Variants in ZNF207 observed in about 807,000 individuals in gnomAD.
ZNF207 encodes BUB3-interacting and GLEBS motif-containing protein ZNF207.
Under a neutral mutation model 60.2 loss-of-function variants are expected in ZNF207, and 24 were observed. That is an observed-to-expected ratio of 0.40 (90% CI 0.29 to 0.56). The LOEUF (loss-of-function observed/expected upper bound fraction) is 0.56, where lower values mean the gene tolerates loss of function less well. Among genes scored for constraint, ZNF207 ranks in the 20% least tolerant of loss-of-function variants. The pLI, the probability that ZNF207 is intolerant of heterozygous loss-of-function variation, is 0.49. For missense variants in ZNF207, 452 were observed against 636.6 expected, an observed-to-expected ratio of 0.71 and a Z score of 3.12; for synonymous variants, 236 against 194.7, an observed-to-expected ratio of 1.21 and a Z score of -1.77.
At chr17:32,365,530 A>G (rs745458613) in intron 8 of ZNF207, 43 bp downstream of exon 8, 3 of 1,598,432 alleles carry the variant, frequency 1.9e-6, no homozygotes, top group African/African-American at 1.3e-5. Flanking sequence ...ATATTTAAAG[A>G]TAAAGTACAG....
chr17:32,358,834 T>C (rs1904696067), intron 3 of ZNF207, among the ~76,000 whole-genome samples, 193 bp downstream of exon 3: 1 of 152,078 alleles, frequency 6.6e-6, no homozygotes, highest in African/African-American at 2.4e-5. Context: ...CTTGCTCTGT[T>C]GCCAGGCTGG....
chr17:32,350,379 G>T (rs1003352264), intron 1 of ZNF207, 53 bp downstream of exon 1: 2 of 1,611,372 alleles, frequency 1.2e-6, no homozygotes, highest in African/African-American at 2.7e-5. Flanking sequence ...GGTTGTTGGG[G>T]CCTGGGACTA....
rs1267048543 is a variant in ZNF207, at chr17:32,371,159, A to G, written c.*1400A>G. The stretch of plus-strand genomic sequence containing the variant: ...TGATCTTTTGCAGGGTAGTTTTATG[A>G]TTTTTTAGGCATCAAATAACCTATG... On this transcript the variant is annotated 3_prime_UTR_variant, in exon 12 of 12. Coordinates refer to ENST00000394670, the MANE Select transcript of ZNF207 (RefSeq NM_001098507.2). The G allele has an allele frequency of 6.6e-6, 1 of 152,052 alleles. No individual in the cohort carries two copies. The highest frequency in any genetic ancestry group is 1.9e-4 in the East Asian group (1 of 5,194). 9.4% of individuals were successfully genotyped at this position (152,052 alleles called of 1,614,324 possible). A position where few individuals can be genotyped will look rare whatever the true frequency, so the allele number is the denominator to read the frequency against.
At chr17:32,366,832 G>A (rs1905184191) in intron 9 of ZNF207, 75 bp downstream of exon 9, 1 of 1,322,810 alleles carries the variant, frequency 7.6e-7, no homozygotes, top group Non-Finnish European at 1.0e-6. Context: ...CTTAAAAAAT[G>A]AATATTTTTC....
chr17:32,377,051 T>TA lies in ZNF207; in HGVS notation c.*7292_*7293insA, dbSNP rs1361603157. The TA allele has an allele frequency of 6.6e-6, 1 of 152,074 alleles. No individual in the cohort carries two copies. The highest frequency in any genetic ancestry group is 1.9e-4 in the East Asian group (1 of 5,202). The allele number at this position is 152,074 out of a possible 1,614,324, so 9.4% of individuals were successfully genotyped here. A position where few individuals can be genotyped will look rare whatever the true frequency, so the allele number is the denominator to read the frequency against. ...AAGTCTGAGGAACTAACAGTGAAAT[T>TA]CATTGATGGCCAACTTGGATAAAAA... On this transcript the variant is annotated 3_prime_UTR_variant, in exon 12 of 12. Coordinates refer to ENST00000394670, the MANE Select transcript of ZNF207 (RefSeq NM_001098507.2).
At chr17:32,368,945 T>C (rs2109158) in intron 10 of ZNF207, 99,007 of 165,714 alleles carry the variant, frequency 0.6, 30,872 homozygotes, top group African/African-American at 0.71. Context: ...GCGGAGGTTG[T>C]GGTGAGCTGA....
rs1905565898 is a variant in ZNF207 at position 32,373,842 on chromosome 17, T to C, written c.*4083T>C. The C allele has an allele frequency of 6.4e-6, 1 of 156,862 alleles. No homozygotes were observed. The highest frequency in any genetic ancestry group is 6.5e-5 in the Admixed American group (1 of 15,424). 9.7% of individuals were successfully genotyped at this position (156,862 alleles called of 1,614,324 possible). A position where few individuals can be genotyped will look rare whatever the true frequency, so the allele number is the denominator to read the frequency against. On this transcript the variant is annotated 3_prime_UTR_variant, in exon 12 of 12. Coordinates refer to ENST00000394670, the MANE Select transcript of ZNF207 (RefSeq NM_001098507.2). Reference sequence around the variant, plus strand: ...TGGTTTTATTTTCTCCATAAACTATTAAATTTAACCTCAAGGATAAGTTTA... The same window carrying C: ...TGGTTTTATTTTCTCCATAAACTATCAAATTTAACCTCAAGGATAAGTTTA...
chr17:32,369,013 AAG>A (rs1905337660), intron 10 of ZNF207: 1 of 296,024 alleles, frequency 3.4e-6, no homozygotes, highest in Admixed American at 4.7e-5. Context: ...CAAAAAAAAA[AAG>A]AATGTTAATA....
At chr17:32,350,804 TAAAG>T (rs942072600) in intron 1 of ZNF207, 3 of 152,664 alleles carry the variant, frequency 2.0e-5, no homozygotes, top group African/African-American at 7.3e-5. Flanking sequence ...GGCGGTTTAG[TAAAG>T]AACCAAGTTA....
At position 32,369,289 on chromosome 17, in the gene ZNF207, T is replaced by A; in HGVS notation, c.1165-6T>A. On this transcript the variant is annotated splice_region_variant and splice_polypyrimidine_tract_variant and intron_variant, in intron 10 of 11. Transcript: ENST00000394670. ...TATTTAGCCCTGCGCTTATTTTTAT[T>A]CCCAGGAAGAGAGAAGGGCACAGTT... 6.2e-7 allele frequency: 1 copy of A among 1,613,290 alleles called. No homozygotes were observed.
intron 9 of ZNF207, among the ~76,000 whole-genome samples, chr17:32,367,259 A>ATATATATATATATATATG (rs1905226206): frequency 9.1e-6 from 1 of 109,904 alleles, no homozygotes; most frequent in Non-Finnish European, 1.9e-5. Flanking sequence ...ATATATATAT[A>ATATATATATATATATATG]TATATATATA....
At chr17:32,365,299 C>T in intron 7 of ZNF207, 31 bp from the exon 8 acceptor site, 2 of 1,586,956 alleles carry the variant, frequency 1.3e-6, no homozygotes, top group Admixed American at 1.8e-5. Context: ...TTTTCAGTGA[C>T]TCAATTTCCC....
Position 32,381,342 on chromosome 17 carries a change from AATC to A in ZNF207, c.*11586_*11588del, listed in dbSNP as rs1195268357. The A allele has an allele frequency of 3.9e-5, 6 of 152,358 alleles. No homozygotes were observed. Among genetic ancestry groups the A allele is most frequent in the African/African-American group, 1.4e-4 (6 of 41,584 alleles). The allele number at this position is 152,358 out of a possible 1,614,324, so 9.4% of individuals were successfully genotyped here. A position where few individuals can be genotyped will look rare whatever the true frequency, so the allele number is the denominator to read the frequency against. ...TGTATTATTAAATGGTCTAAAGAAA[AATC>A]ATGACTGATCGCATAATTTTTAATG... On this transcript the variant is annotated 3_prime_UTR_variant, in exon 12 of 12. Transcript: ENST00000394670.
In ZNF207 at chr17:32,368,104, AGATG is replaced by A. The variant is rs2075638995; in HGVS notation, c.1164+92_1164+95del. The A allele has an allele frequency of 5.2e-6, 8 of 1,543,666 alleles. No individual in the cohort carries two copies. In the South Asian group the frequency reaches 8.6e-5, roughly 17 times the overall value. On this transcript the variant is annotated intron_variant, in intron 10 of 11. Transcript: ENST00000394670. ...TTAAAATAAGTGTTCATTTGTACTC[AGATG>A]GTCTGTGATCTGGTTTAATGCTCAC...
intron 2 of ZNF207, among the ~76,000 whole-genome samples, chr17:32,354,822 G>A (rs944125720): frequency 7.3e-5 from 11 of 151,634 alleles, no homozygotes; most frequent in Non-Finnish European, 1.5e-4. Context: ...CACCATCTTG[G>A]CCAGGCTGGT....
At chr17:32,368,622 C>T (rs1305732287) in intron 10 of ZNF207, among the ~76,000 whole-genome samples, 3 of 149,800 alleles carry the variant, frequency 2.0e-5, no homozygotes, top group African/African-American at 4.9e-5. Flanking sequence ...ACTTGGGAGG[C>T]GGAGGTTGCG....
At position 32,379,072 on chromosome 17, in the gene ZNF207, A is replaced by G. The variant is rs1037224480; in HGVS notation, c.*9313A>G. The G allele has an allele frequency of 3.3e-5, 5 of 152,126 alleles. No homozygotes were observed. The highest frequency in any genetic ancestry group is 7.4e-5 in the Non-Finnish European group (5 of 67,956). 9.4% of individuals were successfully genotyped at this position (152,126 alleles called of 1,614,324 possible). ...CTGATAATAAAATATATCTTACAAG[A>G]TAACCACTTGTTTTTTAATGTAAAA... On this transcript the variant is annotated 3_prime_UTR_variant, in exon 12 of 12. Coordinates refer to ENST00000394670, the MANE Select transcript of ZNF207 (RefSeq NM_001098507.2).
rs945568316 is a variant in ZNF207 at position 32,379,091 on chromosome 17, T to C, written c.*9332T>C. 2.0e-5 allele frequency: 3 copies of C among 152,122 alleles called. No individual in the cohort carries two copies. Among genetic ancestry groups the C allele is most frequent in the Non-Finnish European group, 4.4e-5 (3 of 67,950 alleles). 9.4% of individuals were successfully genotyped at this position (152,122 alleles called of 1,614,324 possible). On this transcript the variant is annotated 3_prime_UTR_variant, in exon 12 of 12. Coordinates refer to ENST00000394670, the MANE Select transcript of ZNF207 (RefSeq NM_001098507.2). The stretch of plus-strand genomic sequence containing the variant: ...TACAAGATAACCACTTGTTTTTTAA[T>C]GTAAAATTGCACAAGGGCTTAAGTT...
rs1427868157 is a variant in ZNF207, at chr17:32,377,795, A to G, written c.*8036A>G. ...GTAACTTCTGTTTAAAAAAAAAAAA[A>G]ACTAGGGAAAAGTTTTAAATGTATT... On this transcript the variant is annotated 3_prime_UTR_variant, in exon 12 of 12. Coordinates refer to ENST00000394670, the MANE Select transcript of ZNF207 (RefSeq NM_001098507.2). 6.6e-6 allele frequency: 1 copy of G among 152,276 alleles called. No homozygotes were observed. Among genetic ancestry groups the G allele is most frequent in the Non-Finnish European group, 1.5e-5 (1 of 67,816 alleles). 9.4% of individuals were successfully genotyped at this position (152,276 alleles called of 1,614,324 possible).
Sources: gnomAD v4.1 joint callset for allele counts (sites outside exome capture counted in the v4.1 genomes callset) on GRCh38, gnomAD v4.1.1 for gene constraint, MANE v1.5 for transcripts, NCBI Gene and HGNC (gene_info 2026-07-23, HGNC 2026-07-21) for gene names.